The following ERBB4 variants were observed in gnomAD, a reference collection of about 807,000 sequenced individuals.
ERBB4 encodes the protein erb-b2 receptor tyrosine kinase 4.
In ERBB4, 42 loss-of-function variants were observed where a neutral mutation model predicts 158.0. That is an observed-to-expected ratio of 0.27 (90% confidence interval 0.21 to 0.34). The LOEUF (loss-of-function observed/expected upper bound fraction) is 0.34, where lower values mean the gene tolerates loss of function less well. Ranked by LOEUF, ERBB4 falls within the 10% of genes least tolerant of loss-of-function variation. The pLI is 1.00. For missense variants in ERBB4, 1,333 were observed against 1,624.1 expected, an observed-to-expected ratio of 0.82 and a Z score of 3.08; for synonymous variants, 583 against 558.7, an observed-to-expected ratio of 1.04 and a Z score of -0.61.
chr2:212,145,239 A>C (rs539355002), intron 1 of ERBB4, among the ~76,000 whole-genome samples: 2 of 152,310 alleles, frequency 1.3e-5, no homozygotes, highest in South Asian at 4.1e-4. Flanking sequence ...AAGCCACAGC[A>C]CTCTGACTCA....
chr2:212,317,038 A>G (rs2087317246), intron 1 of ERBB4, among the ~76,000 whole-genome samples: 1 of 151,480 alleles, frequency 6.6e-6, no homozygotes, highest in Non-Finnish European at 1.5e-5. Flanking sequence ...TCTTTATTTG[A>G]TATTTTCAAA....
intron 3 of ERBB4, among the ~76,000 whole-genome samples, chr2:211,894,047 C>T (rs1438470038): frequency 2.1e-5 from 3 of 141,076 alleles, no homozygotes; most frequent in Non-Finnish European, 3.0e-5. Flanking sequence ...TTGACCCAGC[C>T]ATCCCATTAC....
intron 2 of ERBB4, among the ~76,000 whole-genome samples, chr2:212,003,060 G>T (rs1252607498): frequency 1.5e-5 from 2 of 131,826 alleles, no homozygotes; most frequent in African/African-American, 5.4e-5. Context: ...TCTCAAAAGA[G>T]AAAAGAGAGA....
intron 1 of ERBB4, among the ~76,000 whole-genome samples, chr2:212,187,418 TAATAATA>T (rs1228366123): frequency 1.6e-5 from 1 of 61,188 alleles, no homozygotes; most frequent in African/African-American, 4.6e-5. Flanking sequence ...ACTTAAAGTA[TAATAATA>T]AATAAATAAA....
intron 2 of ERBB4, among the ~76,000 whole-genome samples, chr2:212,120,111 G>T (rs1214983485): frequency 6.6e-6 from 1 of 152,200 alleles, no homozygotes; most frequent in African/African-American, 2.4e-5. Context: ...AGAAATGAAT[G>T]GTTCCCCAAA....
Position 212,217,603 on chromosome 2 carries a change from G to C in ERBB4, c.83-92700C>G, listed in dbSNP as rs1233509608. Among the ~76,000 whole-genome samples, 14 of 151,218 alleles carry C rather than the reference G, an allele frequency of 9.3e-5. No individual in the cohort carries two copies. The Admixed American group carries it at 9.3e-4, about 10-fold the overall frequency. On this transcript the variant is annotated intron_variant, in intron 1 of 27. Coordinates refer to ENST00000342788, the MANE Select transcript of ERBB4 (RefSeq NM_005235.3). ...TGAGTACCAGTTTCCAAAGGAAAAA[G>C]AAGGAAACGGTTCGATTTCTCACCG...
rs56007115 is a variant in ERBB4, at chr2:211,946,576, C to CTTTTTTTTTTTTTTTTT, written c.421+837_421+853dup. Among the ~76,000 whole-genome samples the CTTTTTTTTTTTTTTTTT allele has an allele frequency of 6.1e-5, 3 of 49,586 alleles. 1 individual carries two copies. The highest frequency in any genetic ancestry group is 1.1e-4 in the Non-Finnish European group (3 of 28,286). 32.5% of individuals were successfully genotyped at this position (49,586 alleles called of 152,430 possible). A position where few individuals can be genotyped will look rare whatever the true frequency, so the allele number is the denominator to read the frequency against. On this transcript the variant is annotated intron_variant, in intron 3 of 27. Transcript: ENST00000342788. The stretch of plus-strand genomic sequence containing the variant: ...TACTAATTATTTACTAATTAGCTCT[C>CTTTTTTTTTTTTTTTTT]TTTTTTTTTTTTTTTTTTTTTTTTT...
chr2:211,615,952 TACAA>T (rs539526044), intron 19 of ERBB4, among the ~76,000 whole-genome samples: 17 of 152,254 alleles, frequency 1.1e-4, no homozygotes, highest in Admixed American at 1.0e-3. Flanking sequence ...TGAAGAACTG[TACAA>T]ACAAGCATAC....
chr2:211,972,284 C>T lies in ERBB4; in HGVS notation c.235-24668G>A, dbSNP rs890214841. Among the ~76,000 whole-genome samples, 7 of 152,226 alleles carry T rather than the reference C, an allele frequency of 4.6e-5. 1 individual carries two copies. The South Asian group carries it at 1.4e-3, about 32-fold the overall frequency. On this transcript the variant is annotated intron_variant, in intron 2 of 27. Coordinates refer to ENST00000342788, the MANE Select transcript of ERBB4 (RefSeq NM_005235.3). ...CAAACAAATAGAAAAACATTCCATG[C>T]TCATGGATAGGAAGAATCAATATCA...
At chr2:212,351,016 TC>T (rs2106340605) in intron 1 of ERBB4, among the ~76,000 whole-genome samples, 1 of 152,198 alleles carries the variant, frequency 6.6e-6, no homozygotes, top group Non-Finnish European at 1.5e-5. Flanking sequence ...CTGAATCATA[TC>T]CCCCTCCAAA....
chr2:212,382,205 T>C (rs2090526299), intron 1 of ERBB4, among the ~76,000 whole-genome samples: 1 of 149,634 alleles, frequency 6.7e-6, no homozygotes, highest in Non-Finnish European at 1.5e-5. Flanking sequence ...TATAAATATA[T>C]ATTATACAAA....
At chr2:212,021,727 C>A (rs1239646252) in intron 2 of ERBB4, among the ~76,000 whole-genome samples, 1 of 151,894 alleles carries the variant, frequency 6.6e-6, no homozygotes, top group African/African-American at 2.4e-5. Context: ...TAAATGGGAT[C>A]TAATTAAACT....
intron 2 of ERBB4, among the ~76,000 whole-genome samples, chr2:212,024,082 T>G (rs2076719770): frequency 6.6e-6 from 1 of 152,012 alleles, no homozygotes; most frequent in South Asian, 2.1e-4. Flanking sequence ...TCTCCCCTTT[T>G]CTCTCAGGCA....
intron 1 of ERBB4, among the ~76,000 whole-genome samples, chr2:212,179,233 T>G (rs1008076927): frequency 2.0e-5 from 3 of 151,558 alleles, no homozygotes; most frequent in African/African-American, 4.8e-5. Context: ...TCAGGGGAGA[T>G]AGAGAGCTAC....
intron 16 of ERBB4, among the ~76,000 whole-genome samples, chr2:211,639,344 A>G (rs2070483308): frequency 6.6e-6 from 1 of 152,204 alleles, no homozygotes; most frequent in African/African-American, 2.4e-5. Context: ...ATAGAGCAAA[A>G]GATTTAAATG....
chr2:212,232,816 G>A (rs966277956), intron 1 of ERBB4, among the ~76,000 whole-genome samples: 3 of 152,122 alleles, frequency 2.0e-5, no homozygotes, highest in Non-Finnish European at 4.4e-5. Context: ...CTCCCTTTGG[G>A]AATTGTCCCC....
In ERBB4 at chr2:211,704,147, C is replaced by T. The variant is rs757414582; in HGVS notation, c.1246G>A (p.Val416Ile). Residue 416 changes from valine to isoleucine, a missense_variant, in exon 11 of 28, where the codon GTT (valine) becomes ATT (isoleucine). By Grantham distance (29) the Val-to-Ile change is conservative. Coordinates refer to ENST00000342788, the MANE Select transcript of ERBB4 (RefSeq NM_005235.3). ...CCAATGGTCACCAGGTTAGAAAAAACACTGAAGTCAGTCATGTTTGGTGGC... is the reference window on the plus strand; with the variant it reads ...CCAATGGTCACCAGGTTAGAAAAAATACTGAAGTCAGTCATGTTTGGTGGC... ...SWPPNMTDFS[V>I]FSNLVTIGGR... 20 of 1,613,086 alleles carry T rather than the reference C, an allele frequency of 1.2e-5. No individual in the cohort carries two copies. Among genetic ancestry groups the T allele is most frequent in the Admixed American group, 1.7e-5 (1 of 59,994 alleles).
intron 2 of ERBB4, among the ~76,000 whole-genome samples, chr2:211,984,786 G>A (rs1326792040): frequency 6.6e-6 from 1 of 151,644 alleles, no homozygotes; most frequent in Non-Finnish European, 1.5e-5. Flanking sequence ...ACAATGGCAC[G>A]ACCTTGGCTC....
At chr2:212,136,091 G>GT (rs1298706052) in intron 1 of ERBB4, among the ~76,000 whole-genome samples, 2 of 152,162 alleles carry the variant, frequency 1.3e-5, no homozygotes, top group African/African-American at 4.8e-5. Flanking sequence ...CCTTATCACT[G>GT]TGAGACCTTT....
Sources: gnomAD v4.1 joint callset for allele counts (sites outside exome capture counted in the v4.1 genomes callset) on GRCh38, gnomAD v4.1.1 for gene constraint, MANE v1.5 for transcripts, NCBI Gene and HGNC (gene_info 2026-07-23, HGNC 2026-07-21) for gene names.